MYOM1: variants seen among roughly 807,000 people sequenced by gnomAD.
The protein encoded by MYOM1 is myomesin-1.
In MYOM1, 164 loss-of-function variants were observed where a neutral mutation model predicts 205.3. The observed-to-expected ratio is 0.80, with a 90% CI of 0.70 to 0.91. The LOEUF is 0.91. Among genes scored for constraint, MYOM1 ranks in the 40% least tolerant of loss-of-function variants. MYOM1 has a pLI of 0.00. For missense variants in MYOM1, 2,011 were observed against 2,127.3 expected (o/e 0.95, Z 1.08); for synonymous variants, 772 against 789.4 (o/e 0.98, Z 0.37).
chr18:3,193,992 A>C (rs1048621222), intron 2 of MYOM1, 34 bp from the exon 3 acceptor site: 1 of 1,600,904 alleles, frequency 6.2e-7, no homozygotes, highest in African/African-American at 1.3e-5. Flanking sequence ...GACAGTAACA[A>C]AAAAAGGCAT....
chr18:3,171,300 A>G (rs945074271), intron 8 of MYOM1, among the ~76,000 whole-genome samples: 1 of 152,104 alleles, frequency 6.6e-6, no homozygotes, highest in African/African-American at 2.4e-5. Context: ...GACCAGAGAG[A>G]GAAACAACTT....
At chr18:3,205,839 G>A (rs999549146) in intron 2 of MYOM1, among the ~76,000 whole-genome samples, 2 of 152,062 alleles carry the variant, frequency 1.3e-5, no homozygotes, top group Non-Finnish European at 2.9e-5. Context: ...TTAACATTCT[G>A]TAGCAATTTC....
chr18:3,143,715 A>C (rs2080083282), intron 13 of MYOM1, among the ~76,000 whole-genome samples: 1 of 151,972 alleles, frequency 6.6e-6, no homozygotes, highest in African/African-American at 2.4e-5. Context: ...AGCCTGGGCA[A>C]CATGGTGAAA....
chr18:3,085,612 T>C (rs2079144295), intron 30 of MYOM1, among the ~76,000 whole-genome samples: 1 of 152,206 alleles, frequency 6.6e-6, no homozygotes, highest in South Asian at 2.1e-4. Flanking sequence ...CCTTACTTTT[T>C]ACTCTGCCTT....
chr18:3,160,594 A>G (rs745459190), intron 10 of MYOM1, among the ~76,000 whole-genome samples: 21 of 152,264 alleles, frequency 1.4e-4, no homozygotes, highest in Non-Finnish European at 2.5e-4. Flanking sequence ...TATACAAATT[A>G]TATCTCAAAA....
intron 14 of MYOM1, among the ~76,000 whole-genome samples, chr18:3,140,132 C>A (rs1247136824): frequency 6.6e-6 from 1 of 152,084 alleles, no homozygotes; most frequent in African/African-American, 2.4e-5. Flanking sequence ...TGCAGCCGGG[C>A]GTGGTGGGTC....
intron 23 of MYOM1, among the ~76,000 whole-genome samples, chr18:3,101,978 G>A (rs1033168260): frequency 4.2e-5 from 6 of 143,716 alleles, no homozygotes; most frequent in Non-Finnish European, 9.1e-5. Context: ...GAGCCAATGA[G>A]TCAGTCTGGG....
chr18:3,081,505 G>A (rs2079086331), intron 33 of MYOM1, among the ~76,000 whole-genome samples: 1 of 152,206 alleles, frequency 6.6e-6, no homozygotes, highest in Non-Finnish European at 1.5e-5. Context: ...AGATACTTAT[G>A]CTTTGCTGGC....
the MYOM1 span, among the ~76,000 whole-genome samples, chr18:3,240,686 T>G: frequency 6.6e-6 from 1 of 152,186 alleles, no homozygotes; most frequent in Non-Finnish European, 1.5e-5. Context: ...CCCAAAAATG[T>G]GGAAGTGACT....
upstream of MYOM1, among the ~76,000 whole-genome samples, chr18:3,221,885 T>C (rs748579782): frequency 1.6e-4 from 25 of 152,220 alleles, no homozygotes; most frequent in Admixed American, 3.3e-4. Flanking sequence ...TCCCCAAGCA[T>C]CCATTTGTTC....
At chr18:3,126,648 A>G in intron 19 of MYOM1, 53 bp downstream of exon 19, 2 of 1,520,444 alleles carry the variant, frequency 1.3e-6, no homozygotes, top group South Asian at 2.6e-5. Flanking sequence ...CTGGGCGTGC[A>G]AGCATAGCGT....
At position 3,119,852 on chromosome 18, in the gene MYOM1, A is replaced by G; in HGVS notation, c.3118+17T>C. ...AAATTCCGAGGTGCGGTGTGGAGGC[A>G]GGTGTCTGTGGTTTACCTGGGACGG... On this transcript the variant is annotated intron_variant, in intron 20 of 37. Coordinates refer to ENST00000356443, the MANE Select transcript of MYOM1 (RefSeq NM_003803.4). 1 of 1,591,596 alleles carries G rather than the reference A, an allele frequency of 6.3e-7. No homozygotes were observed. Among genetic ancestry groups the G allele is most frequent in the Non-Finnish European group, 8.6e-7 (1 of 1,165,734 alleles).
At chr18:3,149,534 C>T (rs749757657) in intron 12 of MYOM1, among the ~76,000 whole-genome samples, 4 of 152,146 alleles carry the variant, frequency 2.6e-5, no homozygotes, top group Non-Finnish European at 5.9e-5. Context: ...CTTGCTCATC[C>T]CCTCTGAAGG....
intron 36 of MYOM1, among the ~76,000 whole-genome samples, chr18:3,074,922 T>G (rs2079003779): frequency 6.6e-6 from 1 of 151,872 alleles, no homozygotes; most frequent in Non-Finnish European, 1.5e-5. Flanking sequence ...GCCTCCCAAG[T>G]AGCTGGGATT....
chr18:3,118,855 G>A (rs1242632479), intron 20 of MYOM1, among the ~76,000 whole-genome samples: 1 of 152,112 alleles, frequency 6.6e-6, no homozygotes, highest in Non-Finnish European at 1.5e-5. Context: ...AGTCGAGAGA[G>A]CACCTGAACT....
chr18:3,098,400 C>G (rs1292338009), intron 25 of MYOM1, among the ~76,000 whole-genome samples: 2 of 152,100 alleles, frequency 1.3e-5, no homozygotes, highest in Non-Finnish European at 2.9e-5. Context: ...GCTTCAGCCT[C>G]CTGAGTAGCT....
Position 3,155,139 on chromosome 18 carries a change from C to A in MYOM1, c.1502-51G>T. ...TAACCCTCTCAGACATGCTGTCAGT[C>A]GGCAGGCAGGTCTCAGCGCACACGC... On this transcript the variant is annotated intron_variant, in intron 10 of 37. Transcript: ENST00000356443. 4 of 1,543,470 alleles carry A rather than the reference C, an allele frequency of 2.6e-6. No homozygotes were observed. In the South Asian group the frequency reaches 3.8e-5, roughly 15 times the overall value.
chr18:3,081,287 T>G (rs548026175), intron 33 of MYOM1, among the ~76,000 whole-genome samples: 16 of 152,330 alleles, frequency 1.1e-4, no homozygotes, highest in Non-Finnish European at 2.1e-4. Flanking sequence ...GGTCCTATTT[T>G]ATATAAGAGA....
chr18:3,230,051 G>A, the MYOM1 span, among the ~76,000 whole-genome samples: 1 of 146,102 alleles, frequency 6.8e-6, no homozygotes, highest in African/African-American at 2.5e-5. Context: ...AAAATTATTT[G>A]TGAGGCTGAG....
Sources: gnomAD v4.1 joint callset for allele counts (sites outside exome capture counted in the v4.1 genomes callset) on GRCh38, gnomAD v4.1.1 for gene constraint, MANE v1.5 for transcripts, NCBI Gene and HGNC (gene_info 2026-07-23, HGNC 2026-07-21) for gene names.